Variants in WWC1 observed in about 807,000 individuals in gnomAD.
WWC1 encodes protein KIBRA.
A neutral mutation model predicts 138.4 loss-of-function variants in WWC1; 55 were observed. The observed-to-expected ratio is 0.40, with a 90% CI of 0.32 to 0.50. WWC1 has a LOEUF of 0.50. Ranked by LOEUF, WWC1 falls within the 20% of genes least tolerant of loss-of-function variation. WWC1 has a pLI of 0.72. For synonymous variants in WWC1, 524 were observed against 564.9 expected (o/e 0.93, Z 1.03); for missense variants, 1,226 against 1,420.4 (o/e 0.86, Z 2.20).
At chr5:168,456,431 G>A (rs1465226735) in intron 19 of WWC1, among the ~76,000 whole-genome samples, 1 of 152,142 alleles carries the variant, frequency 6.6e-6, no homozygotes, top group Non-Finnish European at 1.5e-5. Flanking sequence ...CCAGGAGTTC[G>A]AGACCAGCCT....
At position 168,414,560 on chromosome 5, in the gene WWC1, G is replaced by T. The variant is rs754788936; in HGVS notation, c.1154G>T (p.Arg385Leu). 3 of 1,553,188 alleles carry T rather than the reference G, an allele frequency of 1.9e-6. No individual in the cohort carries two copies. Among genetic ancestry groups the T allele is most frequent in the Non-Finnish European group, 2.6e-6 (3 of 1,148,444 alleles). ...KRLEKDLQAA[R>L]DTQSKALTER... ...CTGGAAAAGGACCTGCAGGCAGCCC[G>T]GGACACCCAGAGCAAGGCGCTGACG... Residue 385 changes from arginine to leucine, a missense_variant, in exon 9 of 23, where the codon CGG (arginine) becomes CTG (leucine). Physicochemically the swap from Arg to Leu is moderately radical, Grantham distance 102. This residue lies in a region of WWC1 where 1,016 missense variants were observed against 1,153.9 expected (regional missense o/e 0.88). Coordinates refer to ENST00000265293, the MANE Select transcript of WWC1 (RefSeq NM_015238.3).
At chr5:168,341,825 C>CAA in intron 1 of WWC1, among the ~76,000 whole-genome samples, 1 of 152,248 alleles carries the variant, frequency 6.6e-6, no homozygotes, top group East Asian at 1.9e-4. Context: ...CCTGGTGATT[C>CAA]ACCCACAGAT....
chr5:168,424,026 C>T lies in WWC1; in HGVS notation c.1768C>T (p.Arg590Trp), dbSNP rs199869735. Residue 590 changes from arginine (R) to tryptophan (W), a missense_variant, in exon 11 of 23, where the codon CGG becomes TGG. Arg to Trp is a moderately radical substitution (Grantham distance 101). Around this residue, in one of 3 missense-constraint regions of WWC1, gnomAD observed 1,016 missense variants for 1,153.9 expected, o/e 0.88. Transcript: ENST00000265293. ...TGGTAACAGCGCCCAGGAAAGATAC[C>T]GGCTGGAGGAACCAGGAACGGAGGG... ...SLGNSAQERY[R>W]LEEPGTEGKQ... The T allele has an allele frequency of 7.8e-5, 125 of 1,611,822 alleles. No individual in the cohort carries two copies. The highest frequency in any genetic ancestry group is 5.7e-4 in the Admixed American group (34 of 59,838).
intron 1 of WWC1, among the ~76,000 whole-genome samples, chr5:168,335,772 T>C (rs963892582): frequency 1.3e-5 from 2 of 152,190 alleles, no homozygotes; most frequent in African/African-American, 2.4e-5. Context: ...TTCCATTCAT[T>C]TGCTAATTTA....
intron 1 of WWC1, among the ~76,000 whole-genome samples, chr5:168,361,374 C>T (rs932093260): frequency 6.6e-6 from 1 of 152,140 alleles, no homozygotes; most frequent in Non-Finnish European, 1.5e-5. Flanking sequence ...TAGGAAATTA[C>T]CTTCCAAGTA....
At chr5:168,464,646 G>T (rs572363255) in intron 20 of WWC1, 83 bp from the exon 21 acceptor site, 3 of 1,564,980 alleles carry the variant, frequency 1.9e-6, no homozygotes, top group Non-Finnish European at 2.6e-6. Context: ...ACAAGAGAGG[G>T]TATTTGAGGG....
intron 13 of WWC1, among the ~76,000 whole-genome samples, chr5:168,429,367 T>C (rs546304839): frequency 6.6e-6 from 1 of 150,852 alleles, no homozygotes; most frequent in Admixed American, 6.6e-5. Context: ...CAAGCGATTC[T>C]CCTGCCTCAG....
intron 6 of WWC1, among the ~76,000 whole-genome samples, chr5:168,408,028 ATTT>A (rs1181472544): frequency 2.6e-5 from 3 of 117,452 alleles, no homozygotes; most frequent in Admixed American, 9.4e-5. Context: ...ACATCCAGCT[ATTT>A]TTTTTTTTTT....
intron 1 of WWC1, among the ~76,000 whole-genome samples, chr5:168,302,474 A>C (rs1391701275): frequency 6.6e-6 from 1 of 152,150 alleles, no homozygotes; most frequent in Non-Finnish European, 1.5e-5. Context: ...TCTTTTAGGA[A>C]GGTGGAGGGA....
intron 11 of WWC1, among the ~76,000 whole-genome samples, chr5:168,426,445 C>A (rs1025980487): frequency 8.5e-5 from 13 of 152,190 alleles, no homozygotes; most frequent in Non-Finnish European, 2.9e-5. Flanking sequence ...TCAGACAGCA[C>A]ATTAGGCTGG....
intron 2 of WWC1, among the ~76,000 whole-genome samples, chr5:168,383,182 CA>C (rs67923145): frequency 0.21 from 22,598 of 106,464 alleles, 1,934 homozygotes; most frequent in South Asian, 0.43. Context: ...ATCTCAAAAA[CA>C]AAAAAAAAAA....
chr5:168,442,878 CT>C (rs1043285378), intron 16 of WWC1, among the ~76,000 whole-genome samples: 1 of 151,734 alleles, frequency 6.6e-6, no homozygotes, highest in Non-Finnish European at 1.5e-5. Context: ...CTTATATTTG[CT>C]TATTTTCAGT....
intron 1 of WWC1, among the ~76,000 whole-genome samples, chr5:168,363,760 G>A (rs1776072865): frequency 6.6e-6 from 1 of 152,082 alleles, no homozygotes; most frequent in African/African-American, 2.4e-5. Flanking sequence ...CGGTGACTTT[G>A]AGCACCCCCA....
intron 7 of WWC1, 96 bp downstream of exon 7, chr5:168,408,749 G>T: frequency 6.5e-7 from 1 of 1,541,344 alleles, no homozygotes; most frequent in Non-Finnish European, 8.8e-7. Context: ...TCACCAGGGA[G>T]CTGGCCAGGG....
At chr5:168,431,582 A>G (rs1011612153) in intron 15 of WWC1, 138 bp downstream of exon 15, 2 of 966,014 alleles carry the variant, frequency 2.1e-6, no homozygotes, top group African/African-American at 3.3e-5. Flanking sequence ...AGGTTGTGCT[A>G]TCAATCAGGC....
intron 1 of WWC1, among the ~76,000 whole-genome samples, chr5:168,317,475 G>C (rs1265900367): frequency 6.6e-6 from 1 of 152,104 alleles, no homozygotes; most frequent in Non-Finnish European, 1.5e-5. Flanking sequence ...CCAGGGGTTG[G>C]CAGGATGGTA....
intron 3 of WWC1, among the ~76,000 whole-genome samples, chr5:168,389,408 A>G (rs1365701345): frequency 1.3e-5 from 2 of 148,984 alleles, no homozygotes; most frequent in Non-Finnish European, 3.0e-5. Context: ...CCGAGATAGC[A>G]CCACTGCACT....
intron 1 of WWC1, among the ~76,000 whole-genome samples, chr5:168,338,897 C>G (rs1369133163): frequency 6.6e-6 from 1 of 152,086 alleles, no homozygotes; most frequent in African/African-American, 2.4e-5. Flanking sequence ...GGAATACATT[C>G]TAGTGTTCTA....
intron 8 of WWC1, among the ~76,000 whole-genome samples, chr5:168,413,092 C>T (rs1780349566): frequency 6.6e-6 from 1 of 152,122 alleles, no homozygotes; most frequent in Non-Finnish European, 1.5e-5. Context: ...AGAATTGGGC[C>T]ACATTGTCTG....
Sources: allele counts gnomAD v4.1 joint callset (sites outside exome capture counted in the v4.1 genomes callset), GRCh38; gene constraint gnomAD v4.1.1; regional missense constraint gnomAD v4.1.1; transcripts MANE v1.5; gene names NCBI Gene and HGNC (gene_info 2026-07-23, HGNC 2026-07-21).